WDR64: variants seen among roughly 807,000 people sequenced by gnomAD.
WDR64 encodes WD repeat-containing protein 64.
In WDR64, 112 loss-of-function variants were observed where a neutral mutation model predicts 139.3. That is an observed-to-expected ratio of 0.80 (90% CI 0.69 to 0.94). The LOEUF (loss-of-function observed/expected upper bound fraction) is 0.94, where lower values mean the gene tolerates loss of function less well. Ranked by LOEUF, WDR64 falls within the 40% of genes least tolerant of loss-of-function variation. The pLI is 0.00. For synonymous variants in WDR64, 444 were observed against 437.7 expected, an observed-to-expected ratio of 1.01 and a Z score of -0.18; for missense variants, 1,206 against 1,293.1, an observed-to-expected ratio of 0.93 and a Z score of 1.03.
intron 11 of WDR64, among the ~76,000 whole-genome samples, chr1:241,738,929 GCT>G (rs1448307882): frequency 2.0e-5 from 3 of 152,168 alleles, no homozygotes; most frequent in African/African-American, 7.2e-5. Context: ...CCCACACACA[GCT>G]CTGTTTTGAC....
chr1:241,744,325 T>C (rs1450376787), intron 12 of WDR64, 68 bp from the exon 13 acceptor site: 1 of 1,591,682 alleles, frequency 6.3e-7, no homozygotes, highest in Non-Finnish European at 8.6e-7. Flanking sequence ...TTGAATATGG[T>C]GTAATTCTGA....
At position 241,744,311 on chromosome 1, in the gene WDR64, T is replaced by C. The variant is rs148314270; in HGVS notation, c.1471-82T>C. 204 of 1,546,980 alleles carry C rather than the reference T, an allele frequency of 1.3e-4. 1 individual carries two copies. In the African/African-American group the frequency reaches 2.5e-3, roughly 19 times the overall value. On this transcript the variant is annotated intron_variant, in intron 12 of 27. Coordinates refer to ENST00000437684, the MANE Select transcript of WDR64 (RefSeq NM_001367482.1). Reference sequence around the variant, plus strand: ...ATGTACAGAGTTCCATTTTTGAGGCTGTTTTGAATATGGTGTAATTCTGAT... The same window carrying C: ...ATGTACAGAGTTCCATTTTTGAGGCCGTTTTGAATATGGTGTAATTCTGAT...
At chr1:241,775,485 CT>C (rs1658627240) in intron 21 of WDR64, among the ~76,000 whole-genome samples, 1 of 152,040 alleles carries the variant, frequency 6.6e-6, no homozygotes, top group Admixed American at 6.5e-5. Flanking sequence ...GTGTATCTTA[CT>C]TTTTTGGAAA....
At chr1:241,670,533 A>T (rs1442707570) in intron 2 of WDR64, among the ~76,000 whole-genome samples, 1 of 152,182 alleles carries the variant, frequency 6.6e-6, no homozygotes, top group Non-Finnish European at 1.5e-5. Context: ...TGAAAAGAAA[A>T]ATCAGTAACC....
At chr1:241,754,070 A>G (rs181948093) in intron 14 of WDR64, among the ~76,000 whole-genome samples, 28 of 152,244 alleles carry the variant, frequency 1.8e-4, no homozygotes, top group Admixed American at 1.7e-3. Flanking sequence ...AACTCCACAG[A>G]TTAGAAAAAT....
chr1:241,673,026 T>C (rs1014330416), intron 3 of WDR64, among the ~76,000 whole-genome samples: 6 of 152,174 alleles, frequency 3.9e-5, no homozygotes, highest in East Asian at 1.9e-4. Context: ...TACTAGTTCA[T>C]GTCCTTTGTA....
intron 18 of WDR64, 76 bp downstream of exon 18, chr1:241,770,766 T>G: frequency 2.3e-6 from 3 of 1,321,102 alleles, no homozygotes; most frequent in Non-Finnish European, 3.1e-6. Flanking sequence ...TTGAGCACAT[T>G]TGAGCCCCTC....
chr1:241,654,415 C>A (rs895960215), intron 1 of WDR64, among the ~76,000 whole-genome samples: 10 of 152,204 alleles, frequency 6.6e-5, no homozygotes, highest in African/African-American at 2.4e-4. Flanking sequence ...ATGTGATAAG[C>A]TAATATAGTT....
intron 12 of WDR64, among the ~76,000 whole-genome samples, chr1:241,742,031 G>C (rs1323308885): frequency 6.6e-6 from 1 of 152,172 alleles, no homozygotes. Context: ...GGTGTTTACT[G>C]TAACCCCTGT....
intron 8 of WDR64, among the ~76,000 whole-genome samples, chr1:241,709,066 G>C (rs568565477): frequency 6.6e-6 from 1 of 152,280 alleles, no homozygotes; most frequent in Non-Finnish European, 1.5e-5. Context: ...TCAGATGAAT[G>C]CCTGAACTGC....
Position 241,703,738 on chromosome 1 carries a change from T to C in WDR64, c.975-8064T>C, listed in dbSNP as rs149374306. Reference sequence around the variant, plus strand: ...AAGATACTATCTGAGACTCAATAATTTGTAAAGGAAAGAGGTTAATTGACT... The same window carrying C: ...AAGATACTATCTGAGACTCAATAATCTGTAAAGGAAAGAGGTTAATTGACT... On this transcript the variant is annotated intron_variant, in intron 8 of 27. Coordinates refer to ENST00000437684, the MANE Select transcript of WDR64 (RefSeq NM_001367482.1). The surrounding 1 kb of genome is among the most constrained non-coding windows in gnomAD (Gnocchi z 5.9). Among the ~76,000 whole-genome samples the C allele has an allele frequency of 4.4e-3, 668 of 152,272 alleles. 5 individuals are homozygous for C. The highest frequency in any genetic ancestry group is 0.015 in the African/African-American group (640 of 41,554).
rs556188528 is a variant in WDR64, at chr1:241,748,688, C to T, written c.1595-859C>T. Among the ~76,000 whole-genome samples, 6 of 151,996 alleles carry T rather than the reference C, an allele frequency of 3.9e-5. No individual in the cohort carries two copies. The East Asian group carries it at 1.2e-3, about 29-fold the overall frequency. ...GGCACGGTGGCTCCTGCCTGTAATCCCAGCACTTTGGGAGGCCGAGGAGGG... is the reference window on the plus strand; with the variant it reads ...GGCACGGTGGCTCCTGCCTGTAATCTCAGCACTTTGGGAGGCCGAGGAGGG... On this transcript the variant is annotated intron_variant, in intron 13 of 27. Coordinates refer to ENST00000437684, the MANE Select transcript of WDR64 (RefSeq NM_001367482.1).
At chr1:241,715,270 A>G (rs1298432981) in intron 9 of WDR64, among the ~76,000 whole-genome samples, 1 of 152,234 alleles carries the variant, frequency 6.6e-6, no homozygotes, top group Non-Finnish European at 1.5e-5. Flanking sequence ...ACTGAAGTCT[A>G]GAAGACATCA....
At chr1:241,762,960 G>A (rs561799924) in intron 15 of WDR64, among the ~76,000 whole-genome samples, 1 of 152,178 alleles carries the variant, frequency 6.6e-6, no homozygotes, top group East Asian at 1.9e-4. Flanking sequence ...TTAGCTAAAA[G>A]CCCTTTAAAA....
intron 9 of WDR64, among the ~76,000 whole-genome samples, chr1:241,715,957 G>A (rs1668386656): frequency 6.6e-6 from 1 of 152,020 alleles, no homozygotes; most frequent in Non-Finnish European, 1.5e-5. Flanking sequence ...TTTATTATAG[G>A]TTTTCTAGCT....
chr1:241,788,704 T>C (rs1385718400), intron 24 of WDR64, among the ~76,000 whole-genome samples: 1 of 152,114 alleles, frequency 6.6e-6, no homozygotes, highest in Non-Finnish European at 1.5e-5. Context: ...AAGCTAAAAA[T>C]CAGAAGCCAC....
At chr1:241,799,025 A>C (rs1443377277) in intron 27 of WDR64, among the ~76,000 whole-genome samples, 1 of 151,934 alleles carries the variant, frequency 6.6e-6, no homozygotes, top group Non-Finnish European at 1.5e-5. Flanking sequence ...AAAATGTCTA[A>C]GTGAAAGATG....
intron 18 of WDR64, 56 bp from the exon 19 acceptor site, chr1:241,771,605 A>G: frequency 7.6e-7 from 1 of 1,322,328 alleles, no homozygotes; most frequent in East Asian, 2.8e-5. Context: ...CACCCAGTAT[A>G]TCTCATTTTC....
At position 241,652,534 on chromosome 1, in the gene WDR64, A is replaced by G. The variant is rs777592377; in HGVS notation, c.50A>G (p.Asn17Ser). 6.4e-7 allele frequency: 1 copy of G among 1,552,284 alleles called. No individual in the cohort carries two copies. Among genetic ancestry groups the G allele is most frequent in the South Asian group, 1.2e-5 (1 of 84,064 alleles). ...CTCAACATGGCACTTCAGATGAGCA[A>G]TTTCAAAAAGGCTTTGAACAGGTTT... ...KRLNMALQMS[N>S]FKKALNRFEK... The change falls in exon 1 of 28, where the codon AAT (asparagine) becomes AGT (serine). Residue 17 changes from asparagine to serine, a missense_variant. Physicochemically the swap from Asn to Ser is conservative, Grantham distance 46. Transcript: ENST00000437684.
Sources: allele counts gnomAD v4.1 joint callset (sites outside exome capture counted in the v4.1 genomes callset), GRCh38; gene constraint gnomAD v4.1.1; non-coding constraint Gnocchi (gnomAD v3.1); transcripts MANE v1.5; gene names NCBI Gene and HGNC (gene_info 2026-07-23, HGNC 2026-07-21).